Variants in LRRC7 observed in about 807,000 individuals in gnomAD.
The protein encoded by LRRC7 is leucine-rich repeat-containing protein 7.
A neutral mutation model predicts 175.7 loss-of-function variants in LRRC7; 23 were observed. The ratio of observed to expected loss-of-function variants is 0.13; its 90% CI spans 0.09 to 0.19. The LOEUF (loss-of-function observed/expected upper bound fraction) is 0.19, where lower values mean the gene tolerates loss of function less well. LRRC7 is among the 10% of genes least tolerant of loss of function. LRRC7 has a pLI of 1.00. For synonymous variants in LRRC7, 685 were observed against 680.9 expected, an observed-to-expected ratio of 1.01 and a Z score of -0.09; for missense variants, 1,354 against 1,904.7, an observed-to-expected ratio of 0.71 and a Z score of 5.38.
At chr1:69,901,876 T>C (rs757752855) in intron 7 of LRRC7, among the ~76,000 whole-genome samples, 6 of 152,192 alleles carry the variant, frequency 3.9e-5, no homozygotes, top group Admixed American at 3.9e-4. Flanking sequence ...TCCAGTGTTA[T>C]CTTATATAAA....
chr1:69,821,401 G>A (rs553046310), intron 4 of LRRC7, among the ~76,000 whole-genome samples: 1 of 151,530 alleles, frequency 6.6e-6, no homozygotes. Context: ...TTCATTTATT[G>A]TATTCATCGG....
chr1:69,982,833 A>G (rs895997183), intron 9 of LRRC7, among the ~76,000 whole-genome samples: 4 of 152,210 alleles, frequency 2.6e-5, no homozygotes, highest in African/African-American at 9.6e-5. Flanking sequence ...TGGGATCAAC[A>G]TTCAATATCC....
In LRRC7 at chr1:69,983,736, T is replaced by C. The variant is rs554670592; in HGVS notation, c.787-2506T>C. 8.3e-4 allele frequency among the ~76,000 whole-genome samples: 127 copies of C among 152,306 alleles called. 1 individual carries two copies. Among genetic ancestry groups the C allele is most frequent in the African/African-American group, 3.0e-3 (124 of 41,574 alleles). ...AGACTTCATCACAGCCCAACTTCTT[T>C]GTCTACCCAATCCTGCTCCCTTTCT... is the stretch of plus-strand genomic sequence containing the variant. On this transcript the variant is annotated intron_variant, in intron 9 of 26. Coordinates refer to ENST00000651989, the MANE Select transcript of LRRC7 (RefSeq NM_001370785.2).
At position 69,617,547 on chromosome 1, in the gene LRRC7, T is replaced by TAAAAAAAAAAAAAAAAAAAAAAAAAA. The variant is rs11473590; in HGVS notation, c.2+48931_2+48932insAAAAAAAAAAAAAAAAAAAAAAAAAA. On this transcript the variant is annotated intron_variant, in intron 1 of 26. Transcript: ENST00000651989. ...GCTGAAGGTTGTTATATACTCACAG[T>TAAAAAAAAAAAAAAAAAAAAAAAAAA]AAAAAAAAAAAAAAAAAAAAAAAAA... Among the ~76,000 whole-genome samples the TAAAAAAAAAAAAAAAAAAAAAAAAAA allele has an allele frequency of 2.4e-4, 15 of 62,000 alleles. 1 individual carries two copies. The highest frequency in any genetic ancestry group is 3.6e-4 in the Non-Finnish European group (12 of 33,670). The allele number at this position is 62,000 out of a possible 152,430, so 40.7% of individuals were successfully genotyped here.
intron 4 of LRRC7, among the ~76,000 whole-genome samples, chr1:69,794,730 T>A (rs1037708112): frequency 6.6e-6 from 1 of 152,156 alleles, no homozygotes; most frequent in African/African-American, 2.4e-5. Flanking sequence ...AATATAAACA[T>A]GAAACTCCTA....
At chr1:69,774,149 G>A (rs1672552883) in intron 3 of LRRC7, among the ~76,000 whole-genome samples, 2 of 152,160 alleles carry the variant, frequency 1.3e-5, no homozygotes, top group Non-Finnish European at 2.9e-5. Flanking sequence ...CAGTTCAGAA[G>A]AGCAATAAAG....
At chr1:69,963,438 A>G in intron 8 of LRRC7, among the ~76,000 whole-genome samples, 1 of 152,348 alleles carries the variant, frequency 6.6e-6, no homozygotes, top group Admixed American at 6.5e-5. Context: ...GAACAGTGAA[A>G]GGAGAGCCCA....
At chr1:69,577,322 G>C (rs1258739040) in intron 1 of LRRC7, among the ~76,000 whole-genome samples, 1 of 152,124 alleles carries the variant, frequency 6.6e-6, no homozygotes, top group Non-Finnish European at 1.5e-5. Context: ...GTGAAAAATA[G>C]ATAGAAATGC....
At chr1:69,743,523 C>T (rs770630749) in intron 2 of LRRC7, among the ~76,000 whole-genome samples, 22 of 151,870 alleles carry the variant, frequency 1.4e-4, no homozygotes, top group East Asian at 1.2e-3. Context: ...CATGTCAAAG[C>T]GAGAGAAGAA....
chr1:70,052,959 T>G, intron 22 of LRRC7, 67 bp from the exon 23 acceptor site: 1 of 1,454,890 alleles, frequency 6.9e-7, no homozygotes, highest in Non-Finnish European at 9.1e-7. Flanking sequence ...CATTAGGGAC[T>G]CTTTTCAGAA....
At chr1:69,568,711 C>T (rs1570207475) in intron 1 of LRRC7, 70 bp downstream of exon 1, 1 of 1,198,546 alleles carries the variant, frequency 8.3e-7, no homozygotes, top group East Asian at 8.3e-5. Flanking sequence ...CGTAGGCGCG[C>T]GAGGTGTGGG....
intron 1 of LRRC7, among the ~76,000 whole-genome samples, chr1:69,642,063 T>C (rs1372851971): frequency 6.6e-6 from 1 of 151,914 alleles, no homozygotes; most frequent in East Asian, 1.9e-4. Flanking sequence ...TTTCATGTGG[T>C]TGAATACAAT....
In LRRC7 at chr1:70,124,249, G is replaced by A. The variant is rs1666343210; in HGVS notation, c.*2362G>A. On this transcript the variant is annotated 3_prime_UTR_variant, in exon 27 of 27. Coordinates refer to ENST00000651989, the MANE Select transcript of LRRC7 (RefSeq NM_001370785.2). ...GTAATAATGAAAACAGGCAGGCCAG[G>A]CGTGGTGGCTCACACTAGTAATCCC... Among the ~76,000 whole-genome samples the A allele has an allele frequency of 6.6e-6, 1 of 152,214 alleles. No homozygotes were observed. The highest frequency in any genetic ancestry group is 1.5e-5 in the Non-Finnish European group (1 of 68,032).
intron 7 of LRRC7, among the ~76,000 whole-genome samples, chr1:69,877,789 C>T (rs1171310554): frequency 6.6e-6 from 1 of 152,096 alleles, no homozygotes. Context: ...TGTCTGGTTC[C>T]TTTCACTTAG....
intron 25 of LRRC7, among the ~76,000 whole-genome samples, chr1:70,096,861 G>A (rs17131198): frequency 0.025 from 3,873 of 152,274 alleles, 193 homozygotes; most frequent in African/African-American, 0.09. Flanking sequence ...CCAAAGAGAC[G>A]AAGAGAGAAT....
At chr1:69,581,289 A>G (rs983949915) in intron 1 of LRRC7, among the ~76,000 whole-genome samples, 8 of 152,212 alleles carry the variant, frequency 5.3e-5, no homozygotes, top group Non-Finnish European at 8.8e-5. Context: ...ATAGGGATTC[A>G]TGAATTAGGA....
At chr1:69,931,454 G>C (rs932143264) in intron 7 of LRRC7, 53 bp from the exon 8 acceptor site, 5 of 1,429,276 alleles carry the variant, frequency 3.5e-6, no homozygotes, top group Non-Finnish European at 4.9e-6. Context: ...ATGTCTTTTA[G>C]AGCAATGTAT....
At chr1:69,870,995 G>T (rs913079288) in intron 7 of LRRC7, among the ~76,000 whole-genome samples, 1 of 152,038 alleles carries the variant, frequency 6.6e-6, no homozygotes, top group African/African-American at 2.4e-5. Context: ...TTAATGGTTA[G>T]CTAAAGACTG....
intron 5 of LRRC7, among the ~76,000 whole-genome samples, chr1:69,832,248 G>A (rs1482425696): frequency 1.3e-5 from 2 of 152,138 alleles, no homozygotes; most frequent in Non-Finnish European, 2.9e-5. Context: ...AGAGGGAGCA[G>A]AGGTATTTAT....
Sources: allele counts gnomAD v4.1 joint callset (sites outside exome capture counted in the v4.1 genomes callset), GRCh38; gene constraint gnomAD v4.1.1; transcripts MANE v1.5; gene names NCBI Gene and HGNC (gene_info 2026-07-23, HGNC 2026-07-21).